The following PIK3R3 variants were observed in gnomAD, a reference collection of about 807,000 sequenced individuals.
PIK3R3 encodes phosphoinositide-3-kinase regulatory subunit 3.
PIK3R3 carries 64 observed loss-of-function variants against 62.9 expected under a neutral mutation model. The ratio of observed to expected loss-of-function variants is 1.02; its 90% CI spans 0.83 to 1.25. PIK3R3 has a LOEUF of 1.25. Ranked by LOEUF, PIK3R3 falls within the 50% of genes most tolerant of loss-of-function variation. The pLI is 0.00. For synonymous variants in PIK3R3, 165 were observed against 189.0 expected, an observed-to-expected ratio of 0.87 and a Z score of 1.04; for missense variants, 614 against 561.6, an observed-to-expected ratio of 1.09 and a Z score of -0.94.
At position 46,081,071 on chromosome 1, in the gene PIK3R3, A is replaced by G. The variant is rs546334638; in HGVS notation, c.107-321T>C. Among the ~76,000 whole-genome samples, 9 of 152,316 alleles carry G rather than the reference A, an allele frequency of 5.9e-5. No individual in the cohort carries two copies. In the South Asian group the frequency reaches 1.9e-3, roughly 32 times the overall value. ...AAAAGCCACTAAGTGACCAATGTAC[A>G]ACATGAGGATTATAGTTAATAACAT... On this transcript the variant is annotated intron_variant, in intron 1 of 9. Transcript: ENST00000262741.
Position 46,066,984 on chromosome 1 carries a change from T to G in PIK3R3, c.422A>C (p.His141Pro), listed in dbSNP as rs766487740. 1 of 1,611,214 alleles carries G rather than the reference T, an allele frequency of 6.2e-7. No homozygotes were observed. Among genetic ancestry groups the G allele is most frequent in the Non-Finnish European group, 8.5e-7 (1 of 1,178,730 alleles). Residue 141 changes from histidine (H) to proline (P), a missense_variant, in exon 4 of 10, where the codon CAC becomes CCC. By Grantham distance (77) the His-to-Pro change is moderately conservative. Coordinates refer to ENST00000262741, the MANE Select transcript of PIK3R3 (RefSeq NM_003629.4). Reference sequence around the variant, plus strand: ...ATTGTACTGAGCAAGAGATTCATGGTGATAGTGGTTAATGAGCTCCACCAC... The same window carrying G: ...ATTGTACTGAGCAAGAGATTCATGGGGATAGTGGTTAATGAGCTCCACCAC... ...NSVVELINHYHHESLAQYNPK... is the reference protein window; with the variant it reads ...NSVVELINHYPHESLAQYNPK...
rs1404414816 is a variant in PIK3R3 at position 46,041,162 on chromosome 1, C to T, written c.*2511G>A. The stretch of plus-strand genomic sequence containing the variant: ...TAGACTCTCATGAAGGAGGCCAAGA[C>T]CTGCTCCCAAGTCATGGGCGTAGAG... On this transcript the variant is annotated 3_prime_UTR_variant, in exon 10 of 10. Transcript: ENST00000262741. The T allele has an allele frequency of 6.5e-6, 1 of 154,152 alleles. No homozygotes were observed. The highest frequency in any genetic ancestry group is 2.4e-5 in the African/African-American group (1 of 41,478). 9.5% of individuals were successfully genotyped at this position (154,152 alleles called of 1,614,324 possible).
chr1:46,091,290 G>C (rs1181093453), intron 1 of PIK3R3, among the ~76,000 whole-genome samples: 1 of 151,880 alleles, frequency 6.6e-6, no homozygotes, highest in Non-Finnish European at 1.5e-5. Flanking sequence ...ATAGGCACGT[G>C]CTATCACGCC....
In PIK3R3 at chr1:46,084,937, C is replaced by A. The variant is rs138614900; in HGVS notation, c.107-4187G>T. Among the ~76,000 whole-genome samples, 46 of 152,240 alleles carry A rather than the reference C, an allele frequency of 3.0e-4. No homozygotes were observed. The East Asian group carries it at 8.5e-3, about 28-fold the overall frequency. ...GGGTTACACTCTAATCACCTTCAAA[C>A]GGTGTTATGGAGACTTTTCTACATC... On this transcript the variant is annotated intron_variant, in intron 1 of 9. Transcript: ENST00000262741.
intron 5 of PIK3R3, among the ~76,000 whole-genome samples, chr1:46,063,658 C>A (rs887053980): frequency 1.1e-4 from 17 of 152,306 alleles, no homozygotes; most frequent in African/African-American, 3.6e-4. Context: ...TACCACTACA[C>A]CTGCCACCAA....
At position 46,109,338 on chromosome 1, in the gene PIK3R3, T is replaced by C. The variant is rs1009143831; in HGVS notation, c.106+22509A>G. Among the ~76,000 whole-genome samples, 13 of 152,316 alleles carry C rather than the reference T, an allele frequency of 8.5e-5. No individual in the cohort carries two copies. In the East Asian group the frequency reaches 2.3e-3, roughly 27 times the overall value. ...ACCCTAATCACTACATAAATATGTA[T>C]CTTGTTAAGGTTGTCTCAATAGCAA... On this transcript the variant is annotated intron_variant, in intron 1 of 9. Coordinates refer to ENST00000262741, the MANE Select transcript of PIK3R3 (RefSeq NM_003629.4).
At chr1:46,059,518 T>C (rs773886685) in intron 6 of PIK3R3, among the ~76,000 whole-genome samples, 1 of 152,252 alleles carries the variant, frequency 6.6e-6, no homozygotes, top group Non-Finnish European at 1.5e-5. Flanking sequence ...TATGTGGCTT[T>C]ATATTACTAT....
chr1:46,132,797 A>G (rs1557644773), upstream of PIK3R3: 1 of 1,257,036 alleles, frequency 8.0e-7, no homozygotes, highest in Non-Finnish European at 1.0e-6. Flanking sequence ...GATTCTGTCA[A>G]GTGCCTGAGA....
chr1:46,056,242 G>A (rs1047419286), intron 6 of PIK3R3: 3 of 244,122 alleles, frequency 1.2e-5, no homozygotes, highest in South Asian at 6.4e-5. Flanking sequence ...GTAGAGATGG[G>A]GTTTTGCCAT....
chr1:46,138,841 A>T, the PIK3R3 span: 1 of 152,236 alleles, frequency 6.6e-6, no homozygotes, highest in African/African-American at 2.4e-5. Context: ...ATTGAAAATG[A>T]TACACTTACA....
chr1:46,074,430 A>T (rs191681274), intron 3 of PIK3R3, among the ~76,000 whole-genome samples: 1,991 of 151,898 alleles, frequency 0.013, 17 homozygotes, highest in Non-Finnish European at 0.019. Context: ...CCTTGTATAA[A>T]TTAGAAACCT....
At chr1:46,110,955 T>A (rs1653691946) in intron 1 of PIK3R3, among the ~76,000 whole-genome samples, 1 of 152,006 alleles carries the variant, frequency 6.6e-6, no homozygotes. Flanking sequence ...CTACATTGCT[T>A]CTCTTGTCCC....
the PIK3R3 span, chr1:46,138,850 C>G: frequency 6.6e-6 from 1 of 152,220 alleles, no homozygotes; most frequent in Admixed American, 6.5e-5. Context: ...GATACACTTA[C>G]AGTGATTTTC....
At chr1:46,140,420 G>A in the PIK3R3 span, among the ~76,000 whole-genome samples, 2 of 152,002 alleles carry the variant, frequency 1.3e-5, no homozygotes, top group African/African-American at 4.8e-5. Context: ...GCTGAATAGT[G>A]ATACCCAAAA....
At chr1:46,126,475 T>C (rs1655102021) in intron 1 of PIK3R3, among the ~76,000 whole-genome samples, 1 of 151,176 alleles carries the variant, frequency 6.6e-6, no homozygotes, top group Non-Finnish European at 1.5e-5. Context: ...GAGATGGAGG[T>C]TCCAGTGAGC....
chr1:46,118,722 A>AT (rs1296267275), intron 1 of PIK3R3, among the ~76,000 whole-genome samples: 2 of 151,394 alleles, frequency 1.3e-5, no homozygotes, highest in East Asian at 3.9e-4. Context: ...CACCCAGCTA[A>AT]TTTTTATATT....
intron 1 of PIK3R3, among the ~76,000 whole-genome samples, chr1:46,098,384 T>G (rs1652343494): frequency 6.6e-6 from 1 of 152,240 alleles, no homozygotes; most frequent in African/African-American, 2.4e-5. Context: ...TAAGTTCACA[T>G]GAAAACTTGC....
chr1:46,132,120 C>A lies in PIK3R3; in HGVS notation c.-168G>T, dbSNP rs537158024. 74 of 1,410,256 alleles carry A rather than the reference C, an allele frequency of 5.2e-5. No homozygotes were observed. In the African/African-American group the frequency reaches 9.8e-4, roughly 19 times the overall value. The allele number at this position is 1,410,256 out of a possible 1,614,324, so 87.4% of individuals were successfully genotyped here. ...CCAAACTACCCGAACAGGGTCCTCCCCCTCTCTCCTACAGAACACAACAAA... is the reference window on the plus strand; with the variant it reads ...CCAAACTACCCGAACAGGGTCCTCCACCTCTCTCCTACAGAACACAACAAA... On this transcript the variant is annotated 5_prime_UTR_variant, in exon 1 of 10. Coordinates refer to ENST00000262741, the MANE Select transcript of PIK3R3 (RefSeq NM_003629.4).
intron 1 of PIK3R3, among the ~76,000 whole-genome samples, chr1:46,104,090 A>G (rs915388843): frequency 6.7e-6 from 1 of 150,318 alleles, no homozygotes; most frequent in Admixed American, 6.6e-5. Context: ...ATGCCTGGCT[A>G]GTTTTTTTTG....
Sources: allele counts gnomAD v4.1 joint callset (sites outside exome capture counted in the v4.1 genomes callset), GRCh38; gene constraint gnomAD v4.1.1; transcripts MANE v1.5; gene names NCBI Gene and HGNC (gene_info 2026-07-23, HGNC 2026-07-21).